Variants in MASP1 observed in about 807,000 individuals in gnomAD.
MASP1 encodes the protein mannan-binding lectin serine protease 1.
Under a neutral mutation model 77.1 loss-of-function variants are expected in MASP1, and 59 were observed. The ratio of observed to expected loss-of-function variants is 0.77; its 90% CI spans 0.62 to 0.95. The LOEUF is 0.95. Ranked by LOEUF, MASP1 falls within the 40% of genes least tolerant of loss-of-function variation. The probability of loss-of-function intolerance (pLI) is 0.00; values close to 1 mark genes in which losing one functional copy is unlikely to be tolerated. For synonymous variants in MASP1, 362 were observed against 354.5 expected, an observed-to-expected ratio of 1.02 and a Z score of -0.24; for missense variants, 885 against 912.9, an observed-to-expected ratio of 0.97 and a Z score of 0.39.
rs964175557 is a variant in MASP1 at position 187,221,255 on chromosome 3, T to C, written c.1810-121A>G. 1.2e-5 allele frequency: 9 copies of C among 725,944 alleles called. No homozygotes were observed. The African/African-American group carries it at 1.6e-4, about 13-fold the overall frequency. The allele number at this position is 725,944 out of a possible 1,614,324, so 45.0% of individuals were successfully genotyped here. On this transcript the variant is annotated intron_variant, in intron 14 of 15. Transcript: ENST00000337774. ...GACGGACCTGTGTCTACCTTAGACTTGATCTAAGAGACTGCCCCATGCTAC... is the reference window on the plus strand; with the variant it reads ...GACGGACCTGTGTCTACCTTAGACTCGATCTAAGAGACTGCCCCATGCTAC...
At position 187,260,769 on chromosome 3, in the gene MASP1, G is replaced by A; in HGVS notation, c.519C>T (p.Ile173=). 6.2e-7 allele frequency: 1 copy of A among 1,614,168 alleles called. No individual in the cohort carries two copies. The highest frequency in any genetic ancestry group is 8.5e-7 in the Non-Finnish European group (1 of 1,180,028). ...GGCAGGTCCTGTTGTCTGTGTGGAG[G>A]ATGTAGCCGAAGCGGCAGGAGCAGT... The part of the protein sequence containing the change: ...GYYCSCRFGY[I]LHTDNRTCRV... Residue 173 remains isoleucine, a synonymous_variant, in exon 4 of 11, where the codon ATC becomes ATT. Coordinates refer to ENST00000296280, the MANE Select transcript of MASP1 (RefSeq NM_139125.4).
At position 187,260,740 on chromosome 3, in the gene MASP1, C is replaced by T. The variant is rs1332747023; in HGVS notation, c.547+1G>A. 3 of 1,614,176 alleles carry T rather than the reference C, an allele frequency of 1.9e-6. No homozygotes were observed. The highest frequency in any genetic ancestry group is 1.7e-6 in the Non-Finnish European group (2 of 1,180,030). On this transcript the variant is annotated splice_donor_variant, in intron 4 of 10. Transcript: ENST00000296280. LOFTEE classifies it high-confidence loss of function. ...TGCATACAATCATTGGTAGGCTCTA[C>T]CTCGGCAGGTCCTGTTGTCTGTGTG... is the stretch of plus-strand genomic sequence containing the variant.
In MASP1 at chr3:187,250,199, G is replaced by C. The variant is rs529929867; in HGVS notation, c.1090+52C>G. Reference sequence around the variant, plus strand: ...CCCTTGCATGCTCTGCTCGGATCCCGCCAGTGCTGGGGAGCTCAGTATCTT... The same window carrying C: ...CCCTTGCATGCTCTGCTCGGATCCCCCCAGTGCTGGGGAGCTCAGTATCTT... On this transcript the variant is annotated intron_variant, in intron 8 of 10. Transcript: ENST00000296280. 6 of 1,450,316 alleles carry C rather than the reference G, an allele frequency of 4.1e-6. No homozygotes were observed. The South Asian group carries it at 6.8e-5, about 17-fold the overall frequency. The allele number at this position is 1,450,316 out of a possible 1,614,324, so 89.8% of individuals were successfully genotyped here. A position where few individuals can be genotyped will look rare whatever the true frequency, so the allele number is the denominator to read the frequency against.
chr3:187,255,306 C>CACCACTGGCTGT lies in MASP1; in HGVS notation c.744+1357_744+1358insACAGCCAGTGGT, dbSNP rs1208032197. On this transcript the variant is annotated intron_variant, in intron 5 of 10. Coordinates refer to ENST00000296280, the MANE Select transcript of MASP1 (RefSeq NM_139125.4). ...GAGCGCAACTTCTAGAGCTGAGAGC[C>CACCACTGGCTGT]ACCACTGGCTGACAGCCAGGAAGAA... Among the ~76,000 whole-genome samples the CACCACTGGCTGT allele has an allele frequency of 5.3e-5, 8 of 152,284 alleles. No homozygotes were observed. In the East Asian group the frequency reaches 1.5e-3, roughly 29 times the overall value.
At chr3:187,264,911 C>T (rs144286365) in intron 2 of MASP1, among the ~76,000 whole-genome samples, 195 of 152,124 alleles carry the variant, frequency 1.3e-3, no homozygotes, top group African/African-American at 2.5e-3. Context: ...TGGAGTAATA[C>T]GATATACAGG....
At position 187,236,130 on chromosome 3, in the gene MASP1, C is replaced by T; in HGVS notation, c.1741G>A (p.Gly581Ser). 1 of 1,613,964 alleles carries T rather than the reference C, an allele frequency of 6.2e-7. No individual in the cohort carries two copies. The highest frequency in any genetic ancestry group is 1.3e-5 in the African/African-American group (1 of 75,056). The change falls in exon 11 of 11, where the codon GGC (glycine) becomes AGC (serine). Residue 581 changes from glycine to serine, a missense_variant. Physicochemically the swap from Gly to Ser is moderately conservative, Grantham distance 56. Coordinates refer to ENST00000296280, the MANE Select transcript of MASP1 (RefSeq NM_139125.4). The part of the protein sequence containing the change: ...PVCLPRLEPE[G>S]PAPHMLGLVA... ...AGGCCCAGCATGTGGGGGGCCGGGCCTTCAGGCTCAAGCCTTGGCAGGCAG... is the reference window on the plus strand; with the variant it reads ...AGGCCCAGCATGTGGGGGGCCGGGCTTTCAGGCTCAAGCCTTGGCAGGCAG...
At chr3:187,271,714 C>A (rs1716534317) in intron 2 of MASP1, among the ~76,000 whole-genome samples, 1 of 152,050 alleles carries the variant, frequency 6.6e-6, no homozygotes, top group African/African-American at 2.4e-5. Flanking sequence ...CTCTAGCTTC[C>A]ACCCCATGGT....
At chr3:187,243,119 A>G (rs1176010237) in intron 9 of MASP1, 3 of 340,542 alleles carry the variant, frequency 8.8e-6, no homozygotes, top group Non-Finnish European at 1.7e-5. Context: ...AGACCACATG[A>G]AGGAGTTTAA....
Position 187,225,491 on chromosome 3 carries a change from C to T in MASP1, c.1574G>A (p.Arg525Gln), listed in dbSNP as rs569570820. The change falls in exon 13 of 16, where the codon CGG becomes CAG. Residue 525 changes from arginine to glutamine, a missense_variant. Physicochemically the swap from Arg to Gln is conservative, Grantham distance 43 (BLOSUM62 1). Transcript: ENST00000337774. ...GAGATGCTGTTCATTTTCATCTGAC[C>T]GGAGCCTCCAATGCTTGCCTGGGCA... The T allele has an allele frequency of 1.1e-4, 184 of 1,614,092 alleles. No individual in the cohort carries two copies. Among genetic ancestry groups the T allele is most frequent in the Non-Finnish European group, 1.4e-4 (168 of 1,180,012 alleles).
chr3:187,251,793 G>A (rs752008332), intron 6 of MASP1, 41 bp from the exon 7 acceptor site: 1 of 1,499,496 alleles, frequency 6.7e-7, no homozygotes, highest in East Asian at 2.3e-5. Context: ...TGAGAAAAGA[G>A]AATTCTGACC....
intron 2 of MASP1, among the ~76,000 whole-genome samples, chr3:187,269,443 C>T (rs1187388708): frequency 3.3e-5 from 5 of 152,054 alleles, no homozygotes; most frequent in Non-Finnish European, 7.4e-5. Context: ...GTACAGAAAG[C>T]GAACTGAATA....
intron 2 of MASP1, among the ~76,000 whole-genome samples, chr3:187,276,185 A>G (rs1003585204): frequency 6.6e-6 from 1 of 151,040 alleles, no homozygotes; most frequent in African/African-American, 2.4e-5. Flanking sequence ...CACTCTCTCA[A>G]TGAGCACCAT....
intron 8 of MASP1, chr3:187,246,675 A>G: frequency 2.0e-6 from 2 of 989,210 alleles, no homozygotes; most frequent in Non-Finnish European, 1.2e-6. Context: ...GTGTGATCCT[A>G]TCTTTTTAAA....
chr3:187,282,206 C>A (rs1717471955), intron 2 of MASP1, among the ~76,000 whole-genome samples: 1 of 152,132 alleles, frequency 6.6e-6, no homozygotes, highest in Non-Finnish European at 1.5e-5. Context: ...TGAAGATTTT[C>A]AAGAAGAAAA....
At chr3:187,268,967 A>G (rs145671376) in intron 2 of MASP1, among the ~76,000 whole-genome samples, 3,571 of 151,658 alleles carry the variant, frequency 0.024, 59 homozygotes, top group Non-Finnish European at 0.034. Flanking sequence ...CAGGAGGCTG[A>G]GGCAGAGGAA....
chr3:187,277,715 T>G (rs1717073277), intron 2 of MASP1, among the ~76,000 whole-genome samples: 1 of 152,222 alleles, frequency 6.6e-6, no homozygotes, highest in Admixed American at 6.5e-5. Flanking sequence ...CAAATTCACT[T>G]GTACCTGTTT....
chr3:187,276,120 C>G (rs144819874), intron 2 of MASP1, among the ~76,000 whole-genome samples: 17 of 117,300 alleles, frequency 1.4e-4, no homozygotes, highest in Non-Finnish European at 2.1e-4. Context: ...GGTAGCCCCC[C>G]CAACAAGAAA....
At chr3:187,262,413 A>C (rs1279410672) in intron 3 of MASP1, 130 bp downstream of exon 3, 1 of 864,644 alleles carries the variant, frequency 1.2e-6, no homozygotes, top group East Asian at 2.6e-5. Flanking sequence ...GAGCAAATGC[A>C]TTAAGACATT....
chr3:187,288,778 C>G (rs777404609), intron 1 of MASP1, among the ~76,000 whole-genome samples: 3 of 152,162 alleles, frequency 2.0e-5, no homozygotes, highest in Non-Finnish European at 4.4e-5. Flanking sequence ...CTCCTGAGGC[C>G]GGTTCTGTCA....
Sources: allele counts gnomAD v4.1 joint callset (sites outside exome capture counted in the v4.1 genomes callset), GRCh38; gene constraint gnomAD v4.1.1; transcripts MANE v1.5; gene names NCBI Gene and HGNC (gene_info 2026-07-23, HGNC 2026-07-21).